LARGE1: variants seen among roughly 807,000 people sequenced by gnomAD.
LARGE1 encodes the protein xylosyl- and glucuronyltransferase LARGE1.
In LARGE1, 43 loss-of-function variants were observed where a neutral mutation model predicts 87.6. That is an observed-to-expected ratio of 0.49 (90% CI 0.38 to 0.63). LARGE1 has a LOEUF of 0.63. LARGE1 is among the 30% of genes least tolerant of loss of function. The pLI is 0.00. For missense variants in LARGE1, 802 were observed against 1,000.2 expected (o/e 0.80, Z 2.67); for synonymous variants, 434 against 394.6 (o/e 1.10, Z -1.18).
At chr22:33,230,714 A>C (rs1258518542) in intron 11 of LARGE1, among the ~76,000 whole-genome samples, 1 of 152,210 alleles carries the variant, frequency 6.6e-6, no homozygotes, top group Non-Finnish European at 1.5e-5. Flanking sequence ...GTTTGTCTGC[A>C]CTGGTCAGAA....
At chr22:33,361,730 C>T (rs1019563054) in intron 9 of LARGE1, among the ~76,000 whole-genome samples, 1 of 149,498 alleles carries the variant, frequency 6.7e-6, no homozygotes, top group African/African-American at 2.5e-5. Flanking sequence ...GGCTCAGAGT[C>T]CCTCCTCTTT....
intron 12 of LARGE1, among the ~76,000 whole-genome samples, chr22:33,290,370 C>T (rs973275359): frequency 7.2e-5 from 11 of 152,134 alleles, no homozygotes; most frequent in African/African-American, 1.9e-4. Flanking sequence ...GCAGGCTGCT[C>T]GGGTCTGCAT....
chr22:33,162,994 C>G (rs1300154835), exon 12 of LARGE1: 1 of 152,162 alleles, frequency 6.6e-6, no homozygotes, highest in Non-Finnish European at 1.5e-5. Flanking sequence ...GAGGTGTCTT[C>G]TCAGATTCTC....
chr22:33,511,885 T>A (rs1373905475), intron 6 of LARGE1, among the ~76,000 whole-genome samples: 2 of 152,244 alleles, frequency 1.3e-5, no homozygotes, highest in African/African-American at 2.4e-5. Flanking sequence ...CTGCAATGGC[T>A]AACTCCCCTA....
chr22:33,490,987 C>G (rs956264801), intron 6 of LARGE1, among the ~76,000 whole-genome samples: 1 of 152,158 alleles, frequency 6.6e-6, no homozygotes, highest in African/African-American at 2.4e-5. Flanking sequence ...AGAATTTCAG[C>G]AGCCCAGCCA....
At chr22:33,812,594 A>G (rs2146187483) in intron 1 of LARGE1, among the ~76,000 whole-genome samples, 1 of 152,338 alleles carries the variant, frequency 6.6e-6, no homozygotes, top group African/African-American at 2.4e-5. Flanking sequence ...GCCGGGTTGA[A>G]GGCACAGATG....
chr22:33,380,288 C>T (rs1250184076), intron 9 of LARGE1, among the ~76,000 whole-genome samples: 1 of 152,134 alleles, frequency 6.6e-6, no homozygotes, highest in Non-Finnish European at 1.5e-5. Context: ...ACATGATATA[C>T]AGAAGGAACT....
chr22:33,680,790 C>A (rs976211384), intron 2 of LARGE1, among the ~76,000 whole-genome samples: 1 of 151,296 alleles, frequency 6.6e-6, no homozygotes, highest in African/African-American at 2.5e-5. Flanking sequence ...TCAGAATACC[C>A]CCTTATCATC....
intron 1 of LARGE1, among the ~76,000 whole-genome samples, chr22:33,911,519 G>A (rs2065636917): frequency 6.6e-6 from 1 of 151,810 alleles, no homozygotes; most frequent in Admixed American, 6.6e-5. Context: ...TCATCCTCCT[G>A]ACATGGGAGC....
At chr22:33,798,384 T>C (rs1334275068) in intron 1 of LARGE1, among the ~76,000 whole-genome samples, 1 of 152,198 alleles carries the variant, frequency 6.6e-6, no homozygotes, top group Non-Finnish European at 1.5e-5. Context: ...ATTACACACA[T>C]GCACATACTC....
At chr22:33,105,527 C>G in the LARGE1 span, 1 of 152,122 alleles carries the variant, frequency 6.6e-6, no homozygotes, top group Non-Finnish European at 1.5e-5. Flanking sequence ...AGGAGCTTCC[C>G]GAGGCTCCCC....
chr22:33,126,310 T>G, the LARGE1 span, among the ~76,000 whole-genome samples: 26 of 152,192 alleles, frequency 1.7e-4, no homozygotes, highest in African/African-American at 6.0e-4. Context: ...TTGAAGACAT[T>G]CAAACCAAAG....
the LARGE1 span, among the ~76,000 whole-genome samples, chr22:33,146,047 G>A: frequency 1.8e-4 from 27 of 152,200 alleles, 1 homozygote; most frequent in Middle Eastern, 6.8e-3. Flanking sequence ...TTTTTCCCAC[G>A]TCTCTAAGGG....
chr22:33,884,341 T>G (rs1263552897), intron 1 of LARGE1, among the ~76,000 whole-genome samples: 1 of 152,202 alleles, frequency 6.6e-6, no homozygotes, highest in Admixed American at 6.5e-5. Flanking sequence ...TGACCCTCTT[T>G]CCTCTGATGG....
intron 6 of LARGE1, among the ~76,000 whole-genome samples, chr22:33,441,021 GT>G (rs113384851): frequency 8.4e-4 from 108 of 128,426 alleles, no homozygotes; most frequent in African/African-American, 2.6e-3. Context: ...TCCTTTTTTT[GT>G]TTTTTTTTCC....
Position 33,562,817 on chromosome 22 carries a change from G to A in LARGE1, c.787+2031C>T, listed in dbSNP as rs906232429. The A allele has an allele frequency of 3.9e-5, 6 of 152,658 alleles. No individual in the cohort carries two copies. The East Asian group carries it at 1.2e-3, about 29-fold the overall frequency. 9.5% of individuals were successfully genotyped at this position (152,658 alleles called of 1,614,324 possible). ...TCTACAATCTCTGATGACCTGTTCT[G>A]GTGACTATGGTGGTTATACTTATCC... On this transcript the variant is annotated intron_variant, in intron 6 of 14. Transcript: ENST00000397394.
chr22:33,710,526 A>C (rs1004868506), intron 2 of LARGE1, among the ~76,000 whole-genome samples: 1 of 152,222 alleles, frequency 6.6e-6, no homozygotes, highest in African/African-American at 2.4e-5. Context: ...TGAAGAAAGG[A>C]GAATGGAAAT....
At chr22:33,330,745 G>A (rs987007663) in intron 10 of LARGE1, among the ~76,000 whole-genome samples, 52 of 152,176 alleles carry the variant, frequency 3.4e-4, no homozygotes, top group Non-Finnish European at 7.3e-5. Context: ...AAATCAAACT[G>A]TCTTGTCCTA....
chr22:33,348,289 CAA>C (rs201826859), intron 9 of LARGE1, among the ~76,000 whole-genome samples: 1 of 124,056 alleles, frequency 8.1e-6, no homozygotes, highest in African/African-American at 3.1e-5. Context: ...CACCCCCCCC[CAA>C]AAAAAAAGTA....
Sources: allele counts gnomAD v4.1 joint callset (sites outside exome capture counted in the v4.1 genomes callset), GRCh38; gene constraint gnomAD v4.1.1; transcripts MANE v1.5; gene names NCBI Gene and HGNC (gene_info 2026-07-23, HGNC 2026-07-21).